The following STRADA variants were observed in gnomAD, a reference collection of about 807,000 sequenced individuals.
The protein encoded by STRADA is STE20 related adaptor alpha.
A neutral mutation model predicts 55.0 loss-of-function variants in STRADA; 26 were observed. That is an observed-to-expected ratio of 0.47 (90% CI 0.35 to 0.66). The LOEUF (loss-of-function observed/expected upper bound fraction) is 0.66. Among genes scored for constraint, STRADA ranks in the 30% least tolerant of loss-of-function variants. The probability of loss-of-function intolerance (pLI) is 0.01; values close to 1 mark genes in which losing one functional copy is unlikely to be tolerated. For missense variants in STRADA, 443 were observed against 549.7 expected, an observed-to-expected ratio of 0.81 and a Z score of 1.94; for synonymous variants, 197 against 210.9, an observed-to-expected ratio of 0.93 and a Z score of 0.57.
intron 3 of STRADA, among the ~76,000 whole-genome samples, chr17:63,724,439 G>C (rs1415730905): frequency 2.8e-5 from 4 of 144,136 alleles, no homozygotes; most frequent in Non-Finnish European, 4.5e-5. Context: ...CACTGCGCCT[G>C]GCCTACCTTT....
intron 1 of STRADA, among the ~76,000 whole-genome samples, chr17:63,731,161 C>G (rs1355371642): frequency 1.3e-5 from 2 of 151,696 alleles, no homozygotes; most frequent in African/African-American, 2.4e-5. Flanking sequence ...CCAGGATGGT[C>G]TCGATCTCCT....
rs1478495781 is a variant in STRADA at position 63,723,280 on chromosome 17, G to A, written c.123+18C>T. 6.2e-7 allele frequency: 1 copy of A among 1,614,076 alleles called. No individual in the cohort carries two copies. Among genetic ancestry groups the A allele is most frequent in the South Asian group, 1.1e-5 (1 of 91,080 alleles). On this transcript the variant is annotated intron_variant, in intron 4 of 12. Transcript: ENST00000336174. Reference sequence around the variant, plus strand: ...TCCATGCAACAGCCATAGTGCTAGGGCCTAGGAAGCCACTTACTTTTCTCC... The same window carrying A: ...TCCATGCAACAGCCATAGTGCTAGGACCTAGGAAGCCACTTACTTTTCTCC...
chr17:63,705,278 A>G, intron 10 of STRADA: 1 of 314,464 alleles, frequency 3.2e-6, no homozygotes, highest in East Asian at 6.4e-5. Flanking sequence ...CCACAGTCTC[A>G]CTGGTCACCT....
Position 63,707,322 on chromosome 17 carries a change from C to T in STRADA, c.678G>A (p.Arg226=). ...TGGGAAAATCGTGGACCACTCGCTG[C>T]CGCTGCCCATGGCTTATCATGCTGA... ...SNLSMISHGQ[R]QRVVHDFPKY... The change falls in exon 9 of 13, where the codon CGG becomes CGA. Residue 226 remains arginine, a synonymous_variant. Transcript: ENST00000336174. The T allele has an allele frequency of 6.2e-7, 1 of 1,614,198 alleles. No homozygotes were observed. The highest frequency in any genetic ancestry group is 8.5e-7 in the Non-Finnish European group (1 of 1,180,036).
chr17:63,728,541 T>G (rs780717357), intron 1 of STRADA, 128 bp from the exon 2 acceptor site: 5 of 530,416 alleles, frequency 9.4e-6, no homozygotes, highest in Non-Finnish European at 1.6e-5. Flanking sequence ...ATTGCTAGAT[T>G]TGTTTAGAGA....
At chr17:63,715,895 T>A (rs796822933) in intron 4 of STRADA, among the ~76,000 whole-genome samples, 2 of 152,172 alleles carry the variant, frequency 1.3e-5, no homozygotes, top group Non-Finnish European at 2.9e-5. Context: ...TGATGGCTCA[T>A]TTGGGTTGTT....
chr17:63,707,329 C>T lies in STRADA; in HGVS notation c.671G>A (p.Gly224Glu). 1 of 1,614,186 alleles carries T rather than the reference C, an allele frequency of 6.2e-7. No homozygotes were observed. Among genetic ancestry groups the T allele is most frequent in the Non-Finnish European group, 8.5e-7 (1 of 1,180,046 alleles). Residue 224 changes from glycine (G) to glutamate (E), a missense_variant, in exon 9 of 13, where the codon GGG becomes GAG. Transcript: ENST00000336174. The part of the protein sequence containing the change: ...LRSNLSMISH[G>E]QRQRVVHDFP... ...ATCGTGGACCACTCGCTGCCGCTGCCCATGGCTTATCATGCTGAGGTTGCT... is the reference window on the plus strand; with the variant it reads ...ATCGTGGACCACTCGCTGCCGCTGCTCATGGCTTATCATGCTGAGGTTGCT...
intron 1 of STRADA, among the ~76,000 whole-genome samples, chr17:63,730,563 T>C (rs1258362605): frequency 1.3e-5 from 2 of 151,830 alleles, no homozygotes; most frequent in African/African-American, 4.8e-5. Flanking sequence ...GCCTAATTTT[T>C]GTATTTTTTG....
intron 4 of STRADA, among the ~76,000 whole-genome samples, chr17:63,718,392 C>T (rs1256271288): frequency 6.6e-6 from 1 of 152,192 alleles, no homozygotes; most frequent in East Asian, 1.9e-4. Context: ...GAAATGACAA[C>T]TCTCCATCGG....
In STRADA at chr17:63,704,948, C is replaced by T. The variant is rs990614660; in HGVS notation, c.859-366G>A. On this transcript the variant is annotated intron_variant, in intron 10 of 12. Transcript: ENST00000336174. ...CAGTCAGATGAACCTGCTTTGAAGC[C>T]CAGCCGTCTGCCATGCTCAGGTGGA... The T allele has an allele frequency of 4.6e-6, 7 of 1,521,850 alleles. No individual in the cohort carries two copies. In the Admixed American group the frequency reaches 1.2e-4, roughly 26 times the overall value. 94.3% of individuals were successfully genotyped at this position (1,521,850 alleles called of 1,614,324 possible). A position where few individuals can be genotyped will look rare whatever the true frequency, so the allele number is the denominator to read the frequency against.
At chr17:63,737,733 G>A (rs912292248) in intron 1 of STRADA, among the ~76,000 whole-genome samples, 1 of 152,176 alleles carries the variant, frequency 6.6e-6, no homozygotes, top group Non-Finnish European at 1.5e-5. Flanking sequence ...GTGCTGGTTG[G>A]GTACAGTGGC....
intron 11 of STRADA, 93 bp from the exon 12 acceptor site, chr17:63,704,140 C>T (rs2035905597): frequency 6.5e-7 from 1 of 1,548,900 alleles, no homozygotes; most frequent in Non-Finnish European, 8.7e-7. Flanking sequence ...CGGGTCCCCT[C>T]TCCCTCTCCC....
At chr17:63,730,388 C>T (rs2037951679) in intron 1 of STRADA, among the ~76,000 whole-genome samples, 1 of 150,868 alleles carries the variant, frequency 6.6e-6, no homozygotes, top group Admixed American at 6.6e-5. Context: ...GCCAGTTGCA[C>T]TTAGTTGACT....
At chr17:63,713,376 C>T in intron 6 of STRADA, 30 bp downstream of exon 6, 1 of 1,607,492 alleles carries the variant, frequency 6.2e-7, no homozygotes, top group Non-Finnish European at 8.5e-7. Flanking sequence ...GCCCACCCTC[C>T]CTCCATGTGA....
intron 1 of STRADA, among the ~76,000 whole-genome samples, chr17:63,738,340 CAAA>C (rs561180973): frequency 7.8e-5 from 6 of 76,768 alleles, no homozygotes; most frequent in East Asian, 5.7e-4. Context: ...GACTCCGACT[CAAA>C]AAAAAAAAAA....
chr17:63,706,855 G>A, intron 9 of STRADA, 116 bp from the exon 10 acceptor site: 1 of 753,284 alleles, frequency 1.3e-6, no homozygotes, highest in South Asian at 1.7e-5. Flanking sequence ...TGCTGCTAAT[G>A]ACTCTCCTTG....
intron 11 of STRADA, 24 bp from the exon 12 acceptor site, chr17:63,704,071 C>T: frequency 6.2e-7 from 1 of 1,610,544 alleles, no homozygotes; most frequent in Non-Finnish European, 8.5e-7. Flanking sequence ...GGAGGAGAGA[C>T]CGCAGCATCA....
chr17:63,734,380 T>C (rs1355889977), intron 1 of STRADA, among the ~76,000 whole-genome samples: 6 of 151,482 alleles, frequency 4.0e-5, no homozygotes, highest in African/African-American at 1.2e-4. Context: ...CGGTGGCTCA[T>C]ACCTGTAATC....
chr17:63,725,295 G>A (rs1159455480), intron 3 of STRADA, among the ~76,000 whole-genome samples: 1 of 152,154 alleles, frequency 6.6e-6, no homozygotes, highest in Non-Finnish European at 1.5e-5. Context: ...TTTTGGATCA[G>A]CTAACCAATG....
Sources: allele counts gnomAD v4.1 joint callset (sites outside exome capture counted in the v4.1 genomes callset), GRCh38; gene constraint gnomAD v4.1.1; transcripts MANE v1.5; gene names NCBI Gene and HGNC (gene_info 2026-07-23, HGNC 2026-07-21).